The following DARS2 variants were observed in gnomAD, a reference collection of about 807,000 sequenced individuals.
The protein encoded by DARS2 is aspartate--tRNA ligase, mitochondrial.
Under a neutral mutation model 83.0 loss-of-function variants are expected in DARS2, and 63 were observed. That is an observed-to-expected ratio of 0.76 (90% CI 0.62 to 0.94). The LOEUF (loss-of-function observed/expected upper bound fraction) is 0.94. Ranked by LOEUF, DARS2 falls within the 40% of genes least tolerant of loss-of-function variation. The pLI, the probability that DARS2 is intolerant of heterozygous loss-of-function variation, is 0.00. For synonymous variants in DARS2, 250 were observed against 269.3 expected (o/e 0.93, Z 0.70); for missense variants, 675 against 774.4 (o/e 0.87, Z 1.52).
At position 173,850,408 on chromosome 1, in the gene DARS2, G is replaced by C. The variant is rs121918211; in HGVS notation, c.1273G>C (p.Glu425Gln). The part of the protein sequence containing the change: ...ANFIMESQRL[E>Q]LIRLMETQEE... Reference sequence around the variant, plus strand: ...TTTCATAATGGAGTCACAAAGACTGGAATTAATCAGACTAATGGAGACCCA... The same window carrying C: ...TTTCATAATGGAGTCACAAAGACTGCAATTAATCAGACTAATGGAGACCCA... Residue 425 changes from glutamate to glutamine, a missense_variant, in exon 13 of 17, where the codon GAA (glutamate) becomes CAA (glutamine). By Grantham distance (29) the Glu-to-Gln change is conservative. Transcript: ENST00000649689. 1.9e-6 allele frequency: 3 copies of C among 1,613,902 alleles called. No individual in the cohort carries two copies. Among genetic ancestry groups the C allele is most frequent in the South Asian group, 1.1e-5 (1 of 91,072 alleles).
rs944313360 is a variant in DARS2 at position 173,857,770 on chromosome 1, A to G, written c.*65A>G. The stretch of plus-strand genomic sequence containing the variant: ...GTCCTCTTTGCTTCCCCAAGGCTAA[A>G]GTCAGATCTAGAGTTCTGCCACAGG... On this transcript the variant is annotated 3_prime_UTR_variant, in exon 17 of 17. Transcript: ENST00000649689. 6.4e-7 allele frequency: 1 copy of G among 1,561,060 alleles called. No homozygotes were observed. The highest frequency in any genetic ancestry group is 8.8e-7 in the Non-Finnish European group (1 of 1,135,498).
chr1:173,841,449 A>T (rs562629292), intron 11 of DARS2, among the ~76,000 whole-genome samples: 2 of 152,114 alleles, frequency 1.3e-5, no homozygotes, highest in Non-Finnish European at 2.9e-5. Flanking sequence ...GAACAATAAA[A>T]TTTTATGAAT....
intron 2 of DARS2, among the ~76,000 whole-genome samples, chr1:173,827,045 T>A (rs536008208): frequency 2.0e-5 from 3 of 152,292 alleles, no homozygotes; most frequent in African/African-American, 7.2e-5. Context: ...CAACGAAGCT[T>A]GATCCACCAG....
At chr1:173,847,640 C>T (rs188115666) in intron 12 of DARS2, among the ~76,000 whole-genome samples, 1 of 152,164 alleles carries the variant, frequency 6.6e-6, no homozygotes, top group African/African-American at 2.4e-5. Flanking sequence ...TGATGAAATG[C>T]AATAATCATT....
In DARS2 at chr1:173,853,364, A is replaced by G. The variant is rs766781754; in HGVS notation, c.1360A>G (p.Lys454Glu). 6.2e-7 allele frequency: 1 copy of G among 1,613,754 alleles called. No individual in the cohort carries two copies. Among genetic ancestry groups the G allele is most frequent in the Admixed American group, 1.7e-5 (1 of 59,996 alleles). Reference sequence around the variant, plus strand: ...CTGTTTGCAGTGCTCTTTGTTAGGAAAATTACGACTGGAATGTGCTGACCT... The same window carrying G: ...CTGTTTGCAGTGCTCTTTGTTAGGAGAATTACGACTGGAATGTGCTGACCT... ...EHNKACSLLG[K>E]LRLECADLLE... The change falls in exon 14 of 17, where the codon AAA becomes GAA. Residue 454 changes from lysine (K) to glutamate (E), a missense_variant. Lys to Glu is a moderately conservative substitution (Grantham distance 56). Coordinates refer to ENST00000649689, the MANE Select transcript of DARS2 (RefSeq NM_018122.5).
At chr1:173,839,254 A>T in intron 9 of DARS2, 113 bp from the exon 10 acceptor site, 1 of 875,120 alleles carries the variant, frequency 1.1e-6, no homozygotes, top group East Asian at 2.6e-5. Context: ...AATAATATTT[A>T]TACCCTCTGC....
rs530916265 is a variant in DARS2, at chr1:173,847,238, G to A, written c.1191+1947G>A. 3.3e-5 allele frequency among the ~76,000 whole-genome samples: 5 copies of A among 152,174 alleles called. No individual in the cohort carries two copies. The East Asian group carries it at 9.6e-4, about 29-fold the overall frequency. Reference sequence around the variant, plus strand: ...AACTATCCTTTTTTTCTCTGTCGGCGGTGGGGATGGCGGGGGGATGAAATA... The same window carrying A: ...AACTATCCTTTTTTTCTCTGTCGGCAGTGGGGATGGCGGGGGGATGAAATA... On this transcript the variant is annotated intron_variant, in intron 12 of 16. Coordinates refer to ENST00000649689, the MANE Select transcript of DARS2 (RefSeq NM_018122.5).
intron 8 of DARS2, among the ~76,000 whole-genome samples, chr1:173,837,625 G>A (rs944489113): frequency 7.9e-5 from 12 of 152,080 alleles, no homozygotes; most frequent in African/African-American, 2.7e-4. Flanking sequence ...AAAAAGAGCT[G>A]GCATGGACTG....
rs1289688488 is a variant in DARS2 at position 173,857,812 on chromosome 1, T to C, written c.*107T>C. 1 of 1,200,356 alleles carries C rather than the reference T, an allele frequency of 8.3e-7. No individual in the cohort carries two copies. The highest frequency in any genetic ancestry group is 2.4e-5 in the East Asian group (1 of 40,824). The allele number at this position is 1,200,356 out of a possible 1,614,324, so 74.4% of individuals were successfully genotyped here. A position where few individuals can be genotyped will look rare whatever the true frequency, so the allele number is the denominator to read the frequency against. On this transcript the variant is annotated 3_prime_UTR_variant, in exon 17 of 17. Coordinates refer to ENST00000649689, the MANE Select transcript of DARS2 (RefSeq NM_018122.5). ...TGCCACAGGTCTAACAATCAAGTCT[T>C]TAGATGGAAGGAATCCAGGCAACAT...
chr1:173,850,233 T>C (rs577511299), intron 12 of DARS2, 94 bp from the exon 13 acceptor site: 31 of 1,351,376 alleles, frequency 2.3e-5, no homozygotes, highest in African/African-American at 3.0e-5. Context: ...TCTCTTCTAT[T>C]GGGAACCGGA....
chr1:173,825,103 T>A lies in DARS2; in HGVS notation c.-127T>A, dbSNP rs964246751. The A allele has an allele frequency of 2.0e-5, 28 of 1,427,904 alleles. No homozygotes were observed. The East Asian group carries it at 2.9e-4, about 15-fold the overall frequency. The allele number at this position is 1,427,904 out of a possible 1,614,324, so 88.5% of individuals were successfully genotyped here. ...CTCCAATGTTGTGCGGAGGAGGCCTTAAATATTCGAGAAGAGAGTGGGAAC... is the reference window on the plus strand; with the variant it reads ...CTCCAATGTTGTGCGGAGGAGGCCTAAAATATTCGAGAAGAGAGTGGGAAC... On this transcript the variant is annotated 5_prime_UTR_variant, in exon 1 of 17. Coordinates refer to ENST00000649689, the MANE Select transcript of DARS2 (RefSeq NM_018122.5).
In DARS2 at chr1:173,853,418, G is replaced by T. The variant is rs1315308672; in HGVS notation, c.1414G>T (p.Asp472Tyr). 2 of 1,614,010 alleles carry T rather than the reference G, an allele frequency of 1.2e-6. No individual in the cohort carries two copies. The highest frequency in any genetic ancestry group is 1.1e-5 in the South Asian group (1 of 91,066). The change falls in exon 14 of 17, where the codon GAC becomes TAC. Residue 472 changes from aspartate (D) to tyrosine (Y), a missense_variant. Physicochemically the swap from Asp to Tyr is radical, Grantham distance 160. Transcript: ENST00000649689. Reference sequence around the variant, plus strand: ...AGAAACAAGAGGAGTGGTGCTCCGTGACCCCACTCTGTTCTCTTTCCTTTG... The same window carrying T: ...AGAAACAAGAGGAGTGGTGCTCCGTTACCCCACTCTGTTCTCTTTCCTTTG... Reference protein sequence around the residue: ...LLETRGVVLRDPTLFSFLWVV... With the variant: ...LLETRGVVLRYPTLFSFLWVV...
rs888410233 is a variant in DARS2, at chr1:173,843,993, A to T, written c.1129-1236A>T. On this transcript the variant is annotated intron_variant, in intron 11 of 16. Coordinates refer to ENST00000649689, the MANE Select transcript of DARS2 (RefSeq NM_018122.5). ...TTGAAGTCCAGTAGTTGAGGTCAGT[A>T]ATTCACACATGGGAGTTATGATAAG... 5.9e-5 allele frequency among the ~76,000 whole-genome samples: 9 copies of T among 152,210 alleles called. No homozygotes were observed. In the East Asian group the frequency reaches 1.7e-3, roughly 29 times the overall value.
intron 11 of DARS2, among the ~76,000 whole-genome samples, chr1:173,842,677 C>T (rs1201263033): frequency 6.6e-6 from 1 of 151,310 alleles, no homozygotes; most frequent in Non-Finnish European, 1.5e-5. Context: ...GTAGCCCACG[C>T]CTGTAATCCC....
Position 173,824,971 on chromosome 1 carries a change from A to C in DARS2, c.-259A>C. 1 of 395,938 alleles carries C rather than the reference A, an allele frequency of 2.5e-6. No homozygotes were observed. The highest frequency in any genetic ancestry group is 4.8e-6 in the Non-Finnish European group (1 of 208,064). The allele number at this position is 395,938 out of a possible 1,614,324, so 24.5% of individuals were successfully genotyped here. On this transcript the variant is annotated 5_prime_UTR_variant, in exon 1 of 17. Transcript: ENST00000649689. ...TTTTGGCTGCCGACTTGTTGAGTAGAAGTGCAGACTGATGCTTTAAGACTC... is the reference window on the plus strand; with the variant it reads ...TTTTGGCTGCCGACTTGTTGAGTAGCAGTGCAGACTGATGCTTTAAGACTC...
chr1:173,833,477 G>C lies in DARS2; in HGVS notation c.594G>C (p.Arg198=), dbSNP rs1652869264. ...GGTCCCAGATGGTCATGAAAATGCG[G>C]GAATATCTCTGTAATCTGCATGGTA... The part of the protein sequence containing the change: ...RLRSQMVMKM[R]EYLCNLHGFV... The change falls in exon 6 of 17, where the codon CGG becomes CGC. Residue 198 remains arginine, a synonymous_variant. Coordinates refer to ENST00000649689, the MANE Select transcript of DARS2 (RefSeq NM_018122.5). 1 of 1,614,110 alleles carries C rather than the reference G, an allele frequency of 6.2e-7. No individual in the cohort carries two copies.
chr1:173,839,242 A>G, intron 9 of DARS2, 125 bp from the exon 10 acceptor site: 1 of 815,200 alleles, frequency 1.2e-6, no homozygotes, highest in East Asian at 2.7e-5. Flanking sequence ...AAAGAGATGT[A>G]CAATAATATT....
chr1:173,837,712 A>G (rs1464132057), intron 8 of DARS2, among the ~76,000 whole-genome samples: 1 of 152,168 alleles, frequency 6.6e-6, no homozygotes, highest in African/African-American at 2.4e-5. Flanking sequence ...AGAATAGTTA[A>G]CTTCTCATAG....
intron 6 of DARS2, 89 bp from the exon 7 acceptor site, chr1:173,834,384 C>T: frequency 4.1e-6 from 4 of 980,580 alleles, no homozygotes; most frequent in Non-Finnish European, 6.5e-6. Flanking sequence ...TAAAGGGAAG[C>T]CTCAGATTTG....
Sources: gnomAD v4.1 joint callset for allele counts (sites outside exome capture counted in the v4.1 genomes callset) on GRCh38, gnomAD v4.1.1 for gene constraint, MANE v1.5 for transcripts, NCBI Gene and HGNC (gene_info 2026-07-23, HGNC 2026-07-21) for gene names.